Variants in SLC36A4 observed in about 807,000 individuals in gnomAD.
The protein encoded by SLC36A4 is solute carrier family 36 member 4.
A neutral mutation model predicts 50.5 loss-of-function variants in SLC36A4; 49 were observed. That is an observed-to-expected ratio of 0.97 (90% CI 0.77 to 1.23). SLC36A4 has a LOEUF of 1.23. Among genes scored for constraint, SLC36A4 ranks in the 50% most tolerant of loss-of-function variants. SLC36A4 has a pLI of 0.00. For missense variants in SLC36A4, 611 were observed against 608.4 expected (o/e 1.00, Z -0.05); for synonymous variants, 207 against 206.5 (o/e 1.00, Z -0.02).
In SLC36A4 at chr11:93,197,826, C is replaced by G. The variant is rs1437849171; in HGVS notation, c.7G>C (p.Ala3Pro). The part of the protein sequence containing the change: ME[A>P]AATPAAAGAA... ...CCGGCAGCCGCCGGCGTCGCCGCCG[C>G]TTCCATCTCTCGCGGGTCTCCAGGA... The change falls in exon 1 of 11, where the codon GCG (alanine) becomes CCG (proline). Residue 3 changes from alanine (A) to proline (P), a missense_variant. Coordinates refer to ENST00000326402, the MANE Select transcript of SLC36A4 (RefSeq NM_152313.4). The G allele has an allele frequency of 1.9e-6, 3 of 1,575,846 alleles. No homozygotes were observed. The African/African-American group carries it at 4.1e-5, about 22-fold the overall frequency.
At chr11:93,179,107 C>T (rs923362674) in intron 6 of SLC36A4, among the ~76,000 whole-genome samples, 14 of 152,104 alleles carry the variant, frequency 9.2e-5, no homozygotes, top group Admixed American at 2.6e-4. Flanking sequence ...ACCATCAATA[C>T]GGAAATCAAA....
rs1859819604 is a variant in SLC36A4 at position 93,144,959 on chromosome 11, T to C, written c.*3578A>G. 6.6e-6 allele frequency: 1 copy of C among 152,030 alleles called. No individual in the cohort carries two copies. Among genetic ancestry groups the C allele is most frequent in the African/African-American group, 2.4e-5 (1 of 41,440 alleles). The allele number at this position is 152,030 out of a possible 1,614,324, so 9.4% of individuals were successfully genotyped here. On this transcript the variant is annotated 3_prime_UTR_variant, in exon 11 of 11. Coordinates refer to ENST00000326402, the MANE Select transcript of SLC36A4 (RefSeq NM_152313.4). ...CACTGATGCTATTTAAATAATTTTA[T>C]TTATTATTTACACTAGCTCTATTTC...
At position 93,182,240 on chromosome 11, in the gene SLC36A4, CT is replaced by C. The variant is rs565372856; in HGVS notation, c.360-455del. ...GGTAGGTATTATTTCTCCATTCTCT[CT>C]TTTTTTTTCCCAAGTATACATTGTT... On this transcript the variant is annotated intron_variant, in intron 4 of 10. Transcript: ENST00000326402. 1,105 of 765,516 alleles carry C rather than the reference CT, an allele frequency of 1.4e-3. 6 individuals carry two copies. In the African/African-American group the frequency reaches 0.015, roughly 10 times the overall value. The allele number at this position is 765,516 out of a possible 1,614,324, so 47.4% of individuals were successfully genotyped here.
intron 1 of SLC36A4, among the ~76,000 whole-genome samples, chr11:93,189,140 G>A (rs1590987539): frequency 6.6e-6 from 1 of 151,220 alleles, no homozygotes; most frequent in African/African-American, 2.4e-5. Flanking sequence ...TTGGCTCACT[G>A]CAATCTCTGC....
At chr11:93,185,941 G>C in intron 1 of SLC36A4, 127 bp from the exon 2 acceptor site, 1 of 729,454 alleles carries the variant, frequency 1.4e-6, no homozygotes, top group East Asian at 3.0e-5. Context: ...TCCTAAGTTA[G>C]TTCATACTAA....
At chr11:93,191,828 T>A (rs1862229287) in intron 1 of SLC36A4, among the ~76,000 whole-genome samples, 1 of 152,134 alleles carries the variant, frequency 6.6e-6, no homozygotes, top group South Asian at 2.1e-4. Context: ...CTCACAAAAT[T>A]TACTGGTTTC....
At chr11:93,163,775 C>CATGTATGTATGT (rs71305387) in intron 8 of SLC36A4, among the ~76,000 whole-genome samples, 24,682 of 150,330 alleles carry the variant, frequency 0.16, 2,444 homozygotes, top group East Asian at 0.37. Context: ...CTAGGATTCT[C>CATGTATGTATGT]ATGTATGTAT....
chr11:93,187,130 AGTTTC>A (rs1412174781), intron 1 of SLC36A4, among the ~76,000 whole-genome samples: 2 of 141,870 alleles, frequency 1.4e-5, no homozygotes, highest in Non-Finnish European at 1.6e-5. Context: ...TCATTCCTCG[AGTTTC>A]TTGAAAATGC....
At chr11:93,159,320 TATA>T (rs1161776556) in intron 9 of SLC36A4, among the ~76,000 whole-genome samples, 2 of 152,188 alleles carry the variant, frequency 1.3e-5, no homozygotes, top group Non-Finnish European at 2.9e-5. Flanking sequence ...TATCAAAATT[TATA>T]ATGCTTTTAT....
At chr11:93,182,233 A>C (rs1478777907) in intron 4 of SLC36A4, 1 of 743,012 alleles carries the variant, frequency 1.3e-6, no homozygotes, top group Admixed American at 6.3e-5. Context: ...TTATTTCTCC[A>C]TTCTCTCTTT....
At chr11:93,176,847 A>G (rs1437033813) in intron 6 of SLC36A4, among the ~76,000 whole-genome samples, 1 of 152,142 alleles carries the variant, frequency 6.6e-6, no homozygotes, top group Admixed American at 6.5e-5. Flanking sequence ...TTCCCTTTGC[A>G]GGTAACCTGA....
At chr11:93,176,603 T>C (rs1209773364) in intron 6 of SLC36A4, among the ~76,000 whole-genome samples, 2 of 152,096 alleles carry the variant, frequency 1.3e-5, no homozygotes, top group African/African-American at 2.4e-5. Context: ...TTCCTTTCCA[T>C]GTTTAGCGCT....
chr11:93,160,499 T>G (rs1490230733), intron 9 of SLC36A4: 1 of 985,258 alleles, frequency 1.0e-6, no homozygotes, highest in Non-Finnish European at 1.2e-6. Flanking sequence ...TAAGGTCAGA[T>G]GTAGAAAGGG....
intron 3 of SLC36A4, among the ~76,000 whole-genome samples, chr11:93,183,711 T>G (rs1047295902): frequency 6.6e-6 from 1 of 151,904 alleles, no homozygotes; most frequent in Non-Finnish European, 1.5e-5. Context: ...TTTATTTTTT[T>G]TTTTGAGACA....
At chr11:93,161,954 G>A (rs1860637745) in intron 9 of SLC36A4, among the ~76,000 whole-genome samples, 2 of 152,220 alleles carry the variant, frequency 1.3e-5, no homozygotes, top group East Asian at 3.9e-4. Context: ...TTAAGATGAT[G>A]CACCATTTTG....
intron 3 of SLC36A4, among the ~76,000 whole-genome samples, chr11:93,184,037 A>T (rs1252914540): frequency 6.6e-6 from 1 of 152,130 alleles, no homozygotes; most frequent in African/African-American, 2.4e-5. Context: ...AAAACTGTAT[A>T]TTTGACTCTA....
At chr11:93,195,347 T>A (rs1590997057) in intron 1 of SLC36A4, among the ~76,000 whole-genome samples, 1 of 151,586 alleles carries the variant, frequency 6.6e-6, no homozygotes, top group East Asian at 1.9e-4. Flanking sequence ...GTCCCTGGAG[T>A]CTTCCATGTC....
In SLC36A4 at chr11:93,154,134, A is replaced by G; in HGVS notation, c.1181T>C (p.Ile394Thr). ...TKWKQICEFG[I>T]RSFLVSITCA... ...AGTAATACTAACCAAGAAGGATCTT[A>G]TCCCAAATTCACAGATTTGCTTCCA... Residue 394 changes from isoleucine to threonine, a missense_variant, in exon 10 of 11, where the codon ATA (isoleucine) becomes ACA (threonine). Coordinates refer to ENST00000326402, the MANE Select transcript of SLC36A4 (RefSeq NM_152313.4). 1 of 1,549,926 alleles carries G rather than the reference A, an allele frequency of 6.5e-7. No homozygotes were observed. Among genetic ancestry groups the G allele is most frequent in the East Asian group, 2.3e-5 (1 of 42,554 alleles).
In SLC36A4 at chr11:93,148,648, T is replaced by C. The variant is rs1375692992; in HGVS notation, c.1404A>G (p.Thr468=). 1.2e-6 allele frequency: 2 copies of C among 1,612,688 alleles called. No individual in the cohort carries two copies. Among genetic ancestry groups the C allele is most frequent in the African/African-American group, 1.3e-5 (1 of 74,844 alleles). Residue 468 remains threonine (T), a synonymous_variant, in exon 11 of 11, where the codon ACA becomes ACG. Coordinates refer to ENST00000326402, the MANE Select transcript of SLC36A4 (RefSeq NM_152313.4). ...AAATAATTTCTTCAACAGTTATATA[T>C]GTACCTAATAAGAAGCCAACAACTC... The part of the protein sequence containing the change: ...FTGVVGFLLG[T]YITVEEIIYP...
Sources: allele counts gnomAD v4.1 joint callset (sites outside exome capture counted in the v4.1 genomes callset), GRCh38; gene constraint gnomAD v4.1.1; transcripts MANE v1.5; gene names NCBI Gene and HGNC (gene_info 2026-07-23, HGNC 2026-07-21).